Variants in FBXO3 observed in about 807,000 individuals in gnomAD.
The protein encoded by FBXO3 is F-box only protein 3.
In FBXO3, 17 loss-of-function variants were observed where a neutral mutation model predicts 64.8. The observed-to-expected ratio is 0.26, with a 90% CI of 0.18 to 0.39. The LOEUF (loss-of-function observed/expected upper bound fraction) is 0.39. FBXO3 is among the 10% of genes least tolerant of loss of function. FBXO3 has a pLI of 1.00. For synonymous variants in FBXO3, 182 were observed against 201.6 expected (o/e 0.90, Z 0.82); for missense variants, 420 against 589.9 (o/e 0.71, Z 2.98).
intron 3 of FBXO3, among the ~76,000 whole-genome samples, chr11:33,764,744 C>T (rs893811940): frequency 1.3e-5 from 2 of 152,084 alleles, no homozygotes; most frequent in African/African-American, 2.4e-5. Context: ...GAGGCCTACA[C>T]GGGCAGATCA....
In FBXO3 at chr11:33,741,855, A is replaced by T; in HGVS notation, c.*53T>A. 4.7e-6 allele frequency: 7 copies of T among 1,503,542 alleles called. No individual in the cohort carries two copies. The highest frequency in any genetic ancestry group is 6.2e-6 in the Non-Finnish European group (7 of 1,125,886). 93.1% of individuals were successfully genotyped at this position (1,503,542 alleles called of 1,614,324 possible). On this transcript the variant is annotated 3_prime_UTR_variant, in exon 11 of 11. Coordinates refer to ENST00000265651, the MANE Select transcript of FBXO3 (RefSeq NM_012175.4). ...AATTTAGTTATTTACATTATTGAGAAATCTATTTAACAGCCTAGAATCATC... is the reference window on the plus strand; with the variant it reads ...AATTTAGTTATTTACATTATTGAGATATCTATTTAACAGCCTAGAATCATC...
chr11:33,762,938 C>G (rs937461606), intron 3 of FBXO3, among the ~76,000 whole-genome samples: 5 of 152,014 alleles, frequency 3.3e-5, no homozygotes, highest in African/African-American at 1.2e-4. Context: ...GGTGGTATCA[C>G]CACAGATCCA....
intron 3 of FBXO3, among the ~76,000 whole-genome samples, chr11:33,758,864 A>C (rs1374606310): frequency 6.6e-6 from 1 of 152,234 alleles, no homozygotes; most frequent in Non-Finnish European, 1.5e-5. Flanking sequence ...TAATGTTTTC[A>C]CATTATAACA....
At chr11:33,751,640 G>T (rs536195300) in intron 6 of FBXO3, 33 bp from the exon 7 acceptor site, 17 of 1,327,548 alleles carry the variant, frequency 1.3e-5, no homozygotes, top group Non-Finnish European at 1.7e-5. Context: ...AAAAAGAAAA[G>T]AACAAATAGT....
At chr11:33,751,406 C>A in intron 7 of FBXO3, 117 bp downstream of exon 7, 2 of 651,220 alleles carry the variant, frequency 3.1e-6, no homozygotes, top group Non-Finnish European at 2.6e-6. Context: ...TATTATCAAC[C>A]TCAATAGAGA....
chr11:33,769,506 C>T (rs548944649), intron 2 of FBXO3, among the ~76,000 whole-genome samples: 1 of 152,076 alleles, frequency 6.6e-6, no homozygotes, highest in African/African-American at 2.4e-5. Context: ...ATTGAGTGTC[C>T]ACTTAGCCAC....
At chr11:33,772,196 C>A (rs1855527490) in intron 1 of FBXO3, 2 of 152,178 alleles carry the variant, frequency 1.3e-5, no homozygotes, top group African/African-American at 4.8e-5. Context: ...GCAAATAATA[C>A]CAAAAACTTC....
intron 3 of FBXO3, 162 bp downstream of exon 3, chr11:33,768,689 T>G (rs2133623122): frequency 1.3e-6 from 1 of 763,094 alleles, no homozygotes; most frequent in South Asian, 1.5e-5. Flanking sequence ...GGGTAAGCAC[T>G]AGAGTGAAGG....
intron 3 of FBXO3, among the ~76,000 whole-genome samples, chr11:33,766,885 T>G (rs1165440506): frequency 6.6e-6 from 1 of 151,308 alleles, no homozygotes; most frequent in Non-Finnish European, 1.5e-5. Flanking sequence ...CCCAGAGAAC[T>G]GGCACTGTGG....
intron 9 of FBXO3, among the ~76,000 whole-genome samples, chr11:33,747,895 A>G (rs942574932): frequency 3.0e-4 from 45 of 151,332 alleles, no homozygotes; most frequent in South Asian, 1.0e-3. Context: ...AAAAAAAAAC[A>G]GAACAGGCAT....
chr11:33,774,044 C>A (rs1366838811), intron 1 of FBXO3: 2 of 286,520 alleles, frequency 7.0e-6, no homozygotes, highest in Non-Finnish European at 1.3e-5. Context: ...GGGACTGACC[C>A]CAACCGGGCG....
intron 4 of FBXO3, chr11:33,757,028 C>T (rs1230421441): frequency 1.9e-6 from 1 of 518,720 alleles, no homozygotes; most frequent in Non-Finnish European, 3.8e-6. Flanking sequence ...CCACACCCTG[C>T]CCCCAAGATT....
rs773995852 is a variant in FBXO3, at chr11:33,750,681, A to C, written c.810-20T>G. ...ACATATCTAGGTAATTTAAAAATTA[A>C]ACATTTTAAAATCAACTACAGGATT... On this transcript the variant is annotated intron_variant, in intron 7 of 10. Coordinates refer to ENST00000265651, the MANE Select transcript of FBXO3 (RefSeq NM_012175.4). 19 of 1,598,878 alleles carry C rather than the reference A, an allele frequency of 1.2e-5. No homozygotes were observed. The highest frequency in any genetic ancestry group is 1.6e-5 in the Non-Finnish European group (19 of 1,168,896).
intron 7 of FBXO3, 61 bp downstream of exon 7, chr11:33,751,462 G>A: frequency 9.0e-7 from 1 of 1,110,244 alleles, no homozygotes; most frequent in East Asian, 2.4e-5. Context: ...CATGATCTGT[G>A]ACTTATCATT....
chr11:33,748,934 C>T (rs139679298), intron 8 of FBXO3, 42 bp from the exon 9 acceptor site: 2 of 1,350,056 alleles, frequency 1.5e-6, no homozygotes, highest in East Asian at 2.3e-5. Context: ...AATCTGGCTT[C>T]TTTGTTTCTT....
At chr11:33,753,541 T>C (rs1174555624) in intron 6 of FBXO3, 2 of 152,164 alleles carry the variant, frequency 1.3e-5, no homozygotes, top group Non-Finnish European at 2.9e-5. Context: ...AGAGAGTGCT[T>C]AACTTAGAAA....
At chr11:33,769,477 T>C (rs193264296) in intron 2 of FBXO3, among the ~76,000 whole-genome samples, 37 of 152,270 alleles carry the variant, frequency 2.4e-4, no homozygotes, top group Non-Finnish European at 4.6e-4. Context: ...TCCTATTTGG[T>C]AAAATTCCCC....
chr11:33,758,605 T>C lies in FBXO3; in HGVS notation c.359-4A>G, dbSNP rs750301682. On this transcript the variant is annotated splice_polypyrimidine_tract_variant and splice_region_variant and intron_variant, in intron 3 of 10. Coordinates refer to ENST00000265651, the MANE Select transcript of FBXO3 (RefSeq NM_012175.4). ...AGGTCTTCCTCTCGAGCACCCTCTATAAAGGCACAAAAAAGAGTGAATTGT... is the reference window on the plus strand; with the variant it reads ...AGGTCTTCCTCTCGAGCACCCTCTACAAAGGCACAAAAAAGAGTGAATTGT... 7 of 1,579,944 alleles carry C rather than the reference T, an allele frequency of 4.4e-6. No individual in the cohort carries two copies. The East Asian group carries it at 1.1e-4, about 26-fold the overall frequency.
chr11:33,769,142 G>T, intron 2 of FBXO3, 128 bp from the exon 3 acceptor site: 1 of 795,632 alleles, frequency 1.3e-6, no homozygotes, highest in Non-Finnish European at 1.8e-6. Flanking sequence ...CACAAATGAA[G>T]ATCAGATAGC....
Sources: gnomAD v4.1 joint callset for allele counts (sites outside exome capture counted in the v4.1 genomes callset) on GRCh38, gnomAD v4.1.1 for gene constraint, MANE v1.5 for transcripts, NCBI Gene and HGNC (gene_info 2026-07-23, HGNC 2026-07-21) for gene names.